Variants in EIF4E2 observed in about 807,000 individuals in gnomAD.
The protein encoded by EIF4E2 is eukaryotic translation initiation factor 4E type 2.
Under a neutral mutation model 34.2 loss-of-function variants are expected in EIF4E2, and 13 were observed. That is an observed-to-expected ratio of 0.38 (90% CI 0.25 to 0.60). The LOEUF (loss-of-function observed/expected upper bound fraction) is 0.60. EIF4E2 is among the 20% of genes least tolerant of loss of function. The pLI, the probability that EIF4E2 is intolerant of heterozygous loss-of-function variation, is 0.62. For synonymous variants in EIF4E2, 100 were observed against 106.6 expected (o/e 0.94, Z 0.38); for missense variants, 222 against 315.1 (o/e 0.70, Z 2.24).
chr2:232,577,901 C>T (rs1693260169), intron 6 of EIF4E2, among the ~76,000 whole-genome samples: 1 of 152,222 alleles, frequency 6.6e-6, no homozygotes, highest in South Asian at 2.1e-4. Context: ...AACAGAAGCA[C>T]ATTGTTTTTT....
chr2:232,558,283 TA>T, intron 3 of EIF4E2: 1 of 270,700 alleles, frequency 3.7e-6, no homozygotes, highest in Non-Finnish European at 6.9e-6. Context: ...TTTTTATTTT[TA>T]TTTTTATTTT....
At chr2:232,575,141 G>C (rs10185980) in intron 6 of EIF4E2, among the ~76,000 whole-genome samples, 33,397 of 152,162 alleles carry the variant, frequency 0.22, 4,416 homozygotes, top group East Asian at 0.35. Flanking sequence ...TAGAGTAGTT[G>C]TAAAATTGGA....
chr2:232,580,594 A>G (rs1289690549), intron 6 of EIF4E2, among the ~76,000 whole-genome samples: 1 of 152,218 alleles, frequency 6.6e-6, no homozygotes, highest in Non-Finnish European at 1.5e-5. Flanking sequence ...AACCCTTTCC[A>G]CAGTAGTAGA....
downstream of EIF4E2, among the ~76,000 whole-genome samples, chr2:232,571,652 T>G (rs531868064): frequency 6.6e-6 from 1 of 152,288 alleles, no homozygotes; most frequent in South Asian, 2.1e-4. Context: ...CTTTATTCCT[T>G]TATCTCAGAG....
chr2:232,556,268 T>C (rs1163269913), intron 1 of EIF4E2, 148 bp from the exon 2 acceptor site: 2 of 614,374 alleles, frequency 3.3e-6, no homozygotes, highest in African/African-American at 3.7e-5. Context: ...TTTGCCTGTC[T>C]GTGTTATTTT....
chr2:232,562,334 A>G (rs1458280355), intron 3 of EIF4E2, among the ~76,000 whole-genome samples: 1 of 152,152 alleles, frequency 6.6e-6, no homozygotes, highest in East Asian at 1.9e-4. Flanking sequence ...TAATCACAAC[A>G]CTTTGGAAGG....
At chr2:232,551,586 C>G (rs951605414) in intron 1 of EIF4E2, among the ~76,000 whole-genome samples, 3 of 152,194 alleles carry the variant, frequency 2.0e-5, no homozygotes, top group Non-Finnish European at 4.4e-5. Context: ...AGAAAAGTTA[C>G]CCAGCCTCTA....
At chr2:232,550,823 C>A in intron 1 of EIF4E2, 79 bp downstream of exon 1, 2 of 1,354,898 alleles carry the variant, frequency 1.5e-6, no homozygotes, top group Non-Finnish European at 2.0e-6. Context: ...GCTGGGGCGG[C>A]GCAAACCCTG....
At chr2:232,555,053 G>A (rs753415160) in intron 1 of EIF4E2, among the ~76,000 whole-genome samples, 30 of 152,080 alleles carry the variant, frequency 2.0e-4, no homozygotes, top group African/African-American at 6.8e-4. Context: ...CTGTGAAATG[G>A]GCAGAGCAGG....
exon 7 of EIF4E2, chr2:232,583,276 T>C (rs1351141425): frequency 6.6e-6 from 1 of 152,290 alleles, no homozygotes; most frequent in Non-Finnish European, 1.5e-5. Context: ...AGAGTCGGTC[T>C]CCACTTTGCA....
In EIF4E2 at chr2:232,568,983, A is replaced by G; in HGVS notation, c.704A>G (p.Gln235Arg). ...CTGGGCCCCCAAAGGCTCCTTTTTC[A>G]AAACCTCTGGAAGCCGCGGTTGAAT... Reference protein sequence around the residue: ...GRLGPQRLLFQNLWKPRLNVP With the variant: ...GRLGPQRLLFRNLWKPRLNVP The change falls in exon 7 of 7, where the codon CAA becomes CGA. Residue 235 changes from glutamine to arginine, a missense_variant. Physicochemically the swap from Gln to Arg is conservative, Grantham distance 43 (BLOSUM62 1). Around this residue, in one of 3 missense-constraint regions of EIF4E2, gnomAD observed 30 missense variants for 26.3 expected, o/e 1.14. Transcript: ENST00000258416. The G allele has an allele frequency of 6.2e-7, 1 of 1,614,148 alleles. No homozygotes were observed. The highest frequency in any genetic ancestry group is 1.1e-5 in the South Asian group (1 of 91,078).
chr2:232,572,959 C>T (rs1693128217), downstream of EIF4E2, among the ~76,000 whole-genome samples: 1 of 152,188 alleles, frequency 6.6e-6, no homozygotes, highest in African/African-American at 2.4e-5. Context: ...TGAGGGGTTT[C>T]CCTGGGTCAT....
At chr2:232,550,840 C>A in intron 1 of EIF4E2, 96 bp downstream of exon 1, 1 of 1,230,180 alleles carries the variant, frequency 8.1e-7, no homozygotes, top group Non-Finnish European at 1.1e-6. Flanking sequence ...CCTGCGGCAC[C>A]GGCTTCCCTG....
chr2:232,560,999 G>A (rs1050381482), intron 3 of EIF4E2, among the ~76,000 whole-genome samples: 3 of 152,182 alleles, frequency 2.0e-5, no homozygotes, highest in African/African-American at 7.2e-5. Flanking sequence ...AATAAGATGT[G>A]CCCAGGAATT....
chr2:232,552,668 A>T (rs917665691), intron 1 of EIF4E2, among the ~76,000 whole-genome samples: 2 of 113,818 alleles, frequency 1.8e-5, no homozygotes, highest in Admixed American at 2.0e-4. Flanking sequence ...CTCTTGAGAA[A>T]AATTAAACTT....
chr2:232,555,188 A>G (rs1179480612), intron 1 of EIF4E2, among the ~76,000 whole-genome samples: 2 of 152,214 alleles, frequency 1.3e-5, no homozygotes, highest in East Asian at 3.8e-4. Flanking sequence ...CAACATGTTT[A>G]TGTGTCAGCA....
intron 1 of EIF4E2, among the ~76,000 whole-genome samples, chr2:232,552,965 C>G (rs1992002): frequency 0.013 from 2,009 of 152,262 alleles, 60 homozygotes; most frequent in African/African-American, 0.046. Flanking sequence ...CTCTAGTAAT[C>G]TGCACTTTTT....
intron 1 of EIF4E2, among the ~76,000 whole-genome samples, chr2:232,554,539 G>A (rs1022255687): frequency 3.3e-5 from 5 of 152,168 alleles, no homozygotes; most frequent in African/African-American, 1.2e-4. Flanking sequence ...TTTTTAATCT[G>A]TAGATCTTGT....
chr2:232,558,313 C>G (rs896566940), intron 3 of EIF4E2: 34 of 195,802 alleles, frequency 1.7e-4, no homozygotes, highest in African/African-American at 7.1e-4. Context: ...GACAGAGTCT[C>G]TTGCTCTGTC....
Sources: gnomAD v4.1 joint callset for allele counts (sites outside exome capture counted in the v4.1 genomes callset) on GRCh38, gnomAD v4.1.1 for gene constraint, gnomAD v4.1.1 regional missense constraint, MANE v1.5 for transcripts, NCBI Gene and HGNC (gene_info 2026-07-23, HGNC 2026-07-21) for gene names.